The following NRXN3 variants were observed in gnomAD, a reference collection of about 807,000 sequenced individuals.
The protein encoded by NRXN3 is neurexin 3, also known as neurexin III.
In NRXN3, 32 loss-of-function variants were observed where a neutral mutation model predicts 137.6. The observed-to-expected ratio is 0.23, with a 90% CI of 0.18 to 0.31. NRXN3 has a LOEUF of 0.31. Among genes scored for constraint, NRXN3 ranks in the 10% least tolerant of loss-of-function variants. The probability of loss-of-function intolerance (pLI) is 1.00; values close to 1 mark genes in which losing one functional copy is unlikely to be tolerated. For synonymous variants in NRXN3, 798 were observed against 784.5 expected (o/e 1.02, Z -0.29); for missense variants, 1,574 against 2,062.5 (o/e 0.76, Z 4.59).
At chr14:79,479,914 G>A (rs927624380) in intron 16 of NRXN3, among the ~76,000 whole-genome samples, 1 of 152,078 alleles carries the variant, frequency 6.6e-6, no homozygotes, top group Non-Finnish European at 1.5e-5. Flanking sequence ...CAAATTTAGT[G>A]TATCAAAGAA....
At chr14:78,351,732 A>G (rs2083519478) in intron 4 of NRXN3, among the ~76,000 whole-genome samples, 2 of 148,442 alleles carry the variant, frequency 1.3e-5, no homozygotes, top group South Asian at 2.1e-4. Context: ...AAAGGATTAT[A>G]TAATATCTTT....
At chr14:79,487,406 C>T (rs542728116) in intron 16 of NRXN3, among the ~76,000 whole-genome samples, 3 of 152,180 alleles carry the variant, frequency 2.0e-5, no homozygotes, top group Admixed American at 6.5e-5. Flanking sequence ...AAACAGACAC[C>T]GAGGCCCATG....
intron 10 of NRXN3, among the ~76,000 whole-genome samples, chr14:78,933,403 A>G (rs1422357962): frequency 1.3e-5 from 2 of 152,196 alleles, no homozygotes; most frequent in African/African-American, 4.8e-5. Flanking sequence ...TAAGCACAGT[A>G]TACTTCCTGT....
chr14:78,700,591 C>T (rs945438906), intron 6 of NRXN3, among the ~76,000 whole-genome samples: 7 of 152,072 alleles, frequency 4.6e-5, no homozygotes, highest in Non-Finnish European at 1.0e-4. Flanking sequence ...CCCTACTTGC[C>T]AGTTCATGTC....
intron 9 of NRXN3, among the ~76,000 whole-genome samples, chr14:78,804,098 A>C (rs1043362998): frequency 6.6e-6 from 1 of 152,086 alleles, no homozygotes; most frequent in African/African-American, 2.4e-5. Flanking sequence ...GGAATCGTTT[A>C]GCTTTGTGTA....
At chr14:78,653,578 G>A (rs745494126) in intron 6 of NRXN3, among the ~76,000 whole-genome samples, 18 of 152,092 alleles carry the variant, frequency 1.2e-4, no homozygotes, top group Non-Finnish European at 2.2e-4. Flanking sequence ...AGAGACAATG[G>A]AGCAATTTCC....
At chr14:78,604,422 C>T (rs1172022435) in intron 4 of NRXN3, among the ~76,000 whole-genome samples, 1 of 151,492 alleles carries the variant, frequency 6.6e-6, no homozygotes, top group Non-Finnish European at 1.5e-5. Context: ...AGAGAAATAA[C>T]CCAAGAAGAG....
intron 15 of NRXN3, among the ~76,000 whole-genome samples, chr14:79,010,744 C>A (rs147565960): frequency 6.6e-6 from 1 of 152,070 alleles, no homozygotes. Flanking sequence ...TATCATTACC[C>A]AAACAAGTAG....
At chr14:79,405,219 T>C (rs1402824190) in intron 15 of NRXN3, among the ~76,000 whole-genome samples, 1 of 152,082 alleles carries the variant, frequency 6.6e-6, no homozygotes, top group East Asian at 1.9e-4. Context: ...ACAGAACATA[T>C]AAACTCCCAA....
At chr14:78,779,355 A>C (rs2098760202) in intron 8 of NRXN3, among the ~76,000 whole-genome samples, 1 of 152,112 alleles carries the variant, frequency 6.6e-6, no homozygotes, top group Non-Finnish European at 1.5e-5. Context: ...CTTAGATTGG[A>C]GTAGGACATT....
chr14:78,612,770 C>T (rs1203670197), intron 4 of NRXN3, among the ~76,000 whole-genome samples: 1 of 152,192 alleles, frequency 6.6e-6, no homozygotes, highest in Admixed American at 6.5e-5. Flanking sequence ...CATACTGAAA[C>T]TCTTCCTGCA....
At chr14:78,372,278 T>C (rs2086979330) in intron 4 of NRXN3, among the ~76,000 whole-genome samples, 1 of 145,244 alleles carries the variant, frequency 6.9e-6, no homozygotes, top group Non-Finnish European at 1.5e-5. Flanking sequence ...ACTTCTCTCT[T>C]TTTTCTTTTC....
At chr14:78,304,949 AAC>A (rs1178785634) in intron 4 of NRXN3, among the ~76,000 whole-genome samples, 3 of 152,190 alleles carry the variant, frequency 2.0e-5, no homozygotes, top group African/African-American at 7.2e-5. Flanking sequence ...TGTACGTATG[AAC>A]ACACACACAC....
At chr14:79,391,032 T>G (rs74069789) in intron 15 of NRXN3, among the ~76,000 whole-genome samples, 3,356 of 152,256 alleles carry the variant, frequency 0.022, 62 homozygotes, top group East Asian at 0.043. Flanking sequence ...CCTTCGACCT[T>G]GGACTTCCCA....
chr14:79,565,886 T>C (rs1192488054), intron 16 of NRXN3, among the ~76,000 whole-genome samples: 1 of 152,118 alleles, frequency 6.6e-6, no homozygotes, highest in East Asian at 1.9e-4. Context: ...CAAATTACAA[T>C]TGTTAATGTT....
intron 8 of NRXN3, among the ~76,000 whole-genome samples, chr14:78,788,068 T>C (rs1334459922): frequency 6.6e-6 from 1 of 152,116 alleles, no homozygotes; most frequent in Non-Finnish European, 1.5e-5. Context: ...TTAAATATGG[T>C]TCAAGATTTA....
rs145429364 is a variant in NRXN3 at position 78,806,500 on chromosome 14, A to G, written c.2248+2677A>G. Among the ~76,000 whole-genome samples the G allele has an allele frequency of 7.9e-3, 1,210 of 152,230 alleles. 16 individuals carry two copies. Among genetic ancestry groups the G allele is most frequent in the African/African-American group, 0.028 (1,152 of 41,552 alleles). ...AATGATCACTTTGCTCCCTCACTCTATTCAAGTTGTGTCTTTTTTCTAGCC... is the reference window on the plus strand; with the variant it reads ...AATGATCACTTTGCTCCCTCACTCTGTTCAAGTTGTGTCTTTTTTCTAGCC... On this transcript the variant is annotated intron_variant, in intron 9 of 20. Transcript: ENST00000335750.
intron 4 of NRXN3, among the ~76,000 whole-genome samples, chr14:78,380,474 T>C (rs1269321082): frequency 2.6e-5 from 4 of 152,260 alleles, no homozygotes; most frequent in Admixed American, 6.5e-5. Flanking sequence ...TGACAAGTTT[T>C]CTTACAGGAT....
At chr14:78,381,709 C>A (rs1458220571) in intron 4 of NRXN3, among the ~76,000 whole-genome samples, 1 of 152,140 alleles carries the variant, frequency 6.6e-6, no homozygotes, top group Non-Finnish European at 1.5e-5. Context: ...AATGGTTAAA[C>A]AAACCATGGT....
Sources: gnomAD v4.1 joint callset for allele counts (sites outside exome capture counted in the v4.1 genomes callset) on GRCh38, gnomAD v4.1.1 for gene constraint, MANE v1.5 for transcripts, NCBI Gene and HGNC (gene_info 2026-07-23, HGNC 2026-07-21) for gene names.